AFF1: variants seen among roughly 807,000 people sequenced by gnomAD.
AFF1 encodes AF4/FMR2 family member 1.
AFF1 carries 48 observed loss-of-function variants against 121.7 expected under a neutral mutation model. That is an observed-to-expected ratio of 0.39 (90% CI 0.31 to 0.50). The LOEUF is 0.50. Among genes scored for constraint, AFF1 ranks in the 20% least tolerant of loss-of-function variants. AFF1 has a pLI of 0.76. For missense variants in AFF1, 1,523 were observed against 1,511.7 expected (o/e 1.01, Z -0.12); for synonymous variants, 613 against 563.0 (o/e 1.09, Z -1.26).
At chr4:86,959,788 G>T (rs1283016564) in intron 2 of AFF1, among the ~76,000 whole-genome samples, 1 of 152,186 alleles carries the variant, frequency 6.6e-6, no homozygotes, top group East Asian at 1.9e-4. Context: ...GGGGCATTCT[G>T]GGCTGAAAGA....
At position 87,137,731 on chromosome 4, in the gene AFF1, A is replaced by C. The variant is rs565287135; in HGVS notation, c.*2030A>C. Reference sequence around the variant, plus strand: ...TTGTGTGTCCATCTGTTATATGTAAAGGACAAGGCACCAGAATCAGGCTTT... The same window carrying C: ...TTGTGTGTCCATCTGTTATATGTAACGGACAAGGCACCAGAATCAGGCTTT... On this transcript the variant is annotated 3_prime_UTR_variant, in exon 21 of 21. Transcript: ENST00000395146. 1 of 232,572 alleles carries C rather than the reference A, an allele frequency of 4.3e-6. No individual in the cohort carries two copies. The highest frequency in any genetic ancestry group is 2.2e-5 in the African/African-American group (1 of 45,426). The allele number at this position is 232,572 out of a possible 1,614,324, so 14.4% of individuals were successfully genotyped here.
At chr4:86,967,493 G>T (rs552194880) in intron 2 of AFF1, among the ~76,000 whole-genome samples, 4 of 152,292 alleles carry the variant, frequency 2.6e-5, no homozygotes, top group African/African-American at 9.6e-5. Context: ...TATGTTAGTG[G>T]TTTAATATGA....
In AFF1 at chr4:86,951,375, C is replaced by CAAA. The variant is rs5860045; in HGVS notation, c.38+2814_38+2816dup. On this transcript the variant is annotated intron_variant, in intron 2 of 20. Transcript: ENST00000395146. ...CGTTTGCCCCAGAGACTTGATGTCA[C>CAAA]AAAAAAAAAAAATTGAGAAAGCACT... is the stretch of plus-strand genomic sequence containing the variant. Among the ~76,000 whole-genome samples the CAAA allele has an allele frequency of 1.2e-3, 182 of 147,726 alleles. 1 individual carries two copies. Among genetic ancestry groups the CAAA allele is most frequent in the African/African-American group, 4.5e-3 (181 of 40,370 alleles).
At chr4:87,064,876 A>AG (rs1184566037) in intron 4 of AFF1, among the ~76,000 whole-genome samples, 3 of 59,312 alleles carry the variant, frequency 5.1e-5, no homozygotes, top group Admixed American at 4.1e-4. Context: ...TCCGTCTCAA[A>AG]AGAAAAAAAA....
At chr4:87,080,668 AAGGGGATT>A (rs1723073520) in intron 4 of AFF1, among the ~76,000 whole-genome samples, 1 of 152,194 alleles carries the variant, frequency 6.6e-6, no homozygotes, top group African/African-American at 2.4e-5. Context: ...TCTGTAAAAG[AAGGGGATT>A]AGGGGATTAG....
At chr4:86,965,121 T>C (rs112794912) in intron 2 of AFF1, among the ~76,000 whole-genome samples, 3 of 152,200 alleles carry the variant, frequency 2.0e-5, no homozygotes, top group Admixed American at 6.5e-5. Context: ...TGGGTTAACT[T>C]AGTGTTGCTG....
chr4:87,018,136 C>T (rs113699715), intron 2 of AFF1, among the ~76,000 whole-genome samples: 6 of 152,282 alleles, frequency 3.9e-5, no homozygotes, highest in African/African-American at 9.6e-5. Flanking sequence ...CCAATTCACA[C>T]GCATTAAGTG....
At chr4:86,949,956 T>C (rs1031938751) in intron 2 of AFF1, 13 of 1,613,896 alleles carry the variant, frequency 8.1e-6, no homozygotes, top group Non-Finnish European at 1.0e-5. Context: ...CGCAGGGCCA[T>C]GTGGATGGAG....
intron 2 of AFF1, among the ~76,000 whole-genome samples, chr4:86,969,922 A>G (rs961492918): frequency 6.7e-6 from 1 of 148,242 alleles, no homozygotes; most frequent in African/African-American, 2.5e-5. Flanking sequence ...TATGTGCATC[A>G]AGATTGCATG....
intron 2 of AFF1, among the ~76,000 whole-genome samples, chr4:87,002,363 T>C (rs1725790697): frequency 1.3e-5 from 2 of 150,780 alleles, no homozygotes; most frequent in South Asian, 4.2e-4. Context: ...CTCAAAGTGC[T>C]GGGATTACAG....
At chr4:87,035,113 T>G (rs1729429081) in intron 2 of AFF1, among the ~76,000 whole-genome samples, 1 of 152,026 alleles carries the variant, frequency 6.6e-6, no homozygotes, top group African/African-American at 2.4e-5. Context: ...GAGGAAGACT[T>G]TTGAAAGGCA....
chr4:87,078,727 G>A (rs887381022), intron 4 of AFF1, among the ~76,000 whole-genome samples: 2 of 152,166 alleles, frequency 1.3e-5, no homozygotes, highest in African/African-American at 4.8e-5. Flanking sequence ...AGTGAAGACT[G>A]AACAGTAATC....
At chr4:86,957,890 A>G (rs887356389) in intron 2 of AFF1, among the ~76,000 whole-genome samples, 1 of 152,078 alleles carries the variant, frequency 6.6e-6, no homozygotes. Context: ...AAAAACAAAC[A>G]AACAACTATC....
At position 87,058,501 on chromosome 4, in the gene AFF1, T is replaced by C. The variant is rs17012329; in HGVS notation, c.1059+10907T>C. Among the ~76,000 whole-genome samples, 693 of 152,198 alleles carry C rather than the reference T, an allele frequency of 4.6e-3. 2 individuals carry two copies. Among genetic ancestry groups the C allele is most frequent in the African/African-American group, 0.016 (647 of 41,542 alleles). ...CCAGGTATGAATTCTCTCAGTTCTT[T>C]CTACCTACAGTGCCACCCCCGCCCC... On this transcript the variant is annotated intron_variant, in intron 4 of 20. Coordinates refer to ENST00000395146, the MANE Select transcript of AFF1 (RefSeq NM_001166693.3).
At chr4:86,978,680 C>T (rs1341227766) in intron 2 of AFF1, among the ~76,000 whole-genome samples, 2 of 152,144 alleles carry the variant, frequency 1.3e-5, no homozygotes, top group African/African-American at 4.8e-5. Flanking sequence ...AATGATTCCA[C>T]TTAAGGTGGG....
chr4:86,947,392 G>A (rs1473051850), intron 1 of AFF1, among the ~76,000 whole-genome samples: 1 of 152,170 alleles, frequency 6.6e-6, no homozygotes, highest in Non-Finnish European at 1.5e-5. Flanking sequence ...GACCTTATCG[G>A]GAGTAAGAAT....
rs779985918 is a variant in AFF1 at position 87,025,945 on chromosome 4, C to T, written c.39-20221C>T. Among the ~76,000 whole-genome samples, 258 of 152,232 alleles carry T rather than the reference C, an allele frequency of 1.7e-3. 3 individuals are homozygous for T. Among genetic ancestry groups the T allele is most frequent in the East Asian group, 1.2e-3 (6 of 5,164 alleles). ...ACTCCTGGGTGCTCTGTGGGTTACA[C>T]AGCCTTACTCTACCCCTCACCACCA... is the stretch of plus-strand genomic sequence containing the variant. On this transcript the variant is annotated intron_variant, in intron 2 of 20. Coordinates refer to ENST00000395146, the MANE Select transcript of AFF1 (RefSeq NM_001166693.3).
At chr4:86,955,024 A>T (rs1397898380) in intron 2 of AFF1, among the ~76,000 whole-genome samples, 1 of 152,204 alleles carries the variant, frequency 6.6e-6, no homozygotes, top group African/African-American at 2.4e-5. Flanking sequence ...CTAAGATGAT[A>T]ATGTAATTAT....
At chr4:87,061,739 T>A (rs544383771) in intron 4 of AFF1, among the ~76,000 whole-genome samples, 2 of 152,218 alleles carry the variant, frequency 1.3e-5, no homozygotes, top group Non-Finnish European at 1.5e-5. Context: ...ATTCAAGCAT[T>A]TCTTTATCTG....
Sources: gnomAD v4.1 joint callset for allele counts (sites outside exome capture counted in the v4.1 genomes callset) on GRCh38, gnomAD v4.1.1 for gene constraint, MANE v1.5 for transcripts, NCBI Gene and HGNC (gene_info 2026-07-23, HGNC 2026-07-21) for gene names.